Variants in MARCHF1 observed in about 807,000 individuals in gnomAD.
The protein encoded by MARCHF1 is membrane associated ring-CH-type finger 1, also known as E3 ubiquitin-protein ligase MARCHF1.
MARCHF1 carries 40 observed loss-of-function variants against 54.2 expected under a neutral mutation model. That is an observed-to-expected ratio of 0.74 (90% CI 0.57 to 0.96). The LOEUF (loss-of-function observed/expected upper bound fraction) is 0.96, where lower values mean the gene tolerates loss of function less well. Ranked by LOEUF, MARCHF1 falls within the 40% of genes least tolerant of loss-of-function variation. The pLI is 0.00. For missense variants in MARCHF1, 586 were observed against 656.5 expected, an observed-to-expected ratio of 0.89 and a Z score of 1.17; for synonymous variants, 236 against 236.3, an observed-to-expected ratio of 1.00 and a Z score of 0.01.
intron 4 of MARCHF1, among the ~76,000 whole-genome samples, chr4:163,748,269 A>T (rs2110766022): frequency 6.6e-6 from 1 of 152,274 alleles, no homozygotes; most frequent in Non-Finnish European, 1.5e-5. Flanking sequence ...CACTCTGTTC[A>T]ATCCCCCACA....
intron 9 of MARCHF1, among the ~76,000 whole-genome samples, chr4:163,534,532 G>A (rs577866640): frequency 2.0e-4 from 30 of 152,114 alleles, no homozygotes; most frequent in African/African-American, 7.2e-4. Flanking sequence ...ATTAATTAGT[G>A]TATCATGGAG....
chr4:164,207,928 T>G (rs559842081), intron 1 of MARCHF1, among the ~76,000 whole-genome samples: 35 of 152,114 alleles, frequency 2.3e-4, no homozygotes, highest in African/African-American at 8.2e-4. Flanking sequence ...TGGCACAAGT[T>G]TACCTATGTA....
chr4:164,179,024 C>T (rs145015423), intron 1 of MARCHF1, among the ~76,000 whole-genome samples: 18 of 152,026 alleles, frequency 1.2e-4, no homozygotes, highest in African/African-American at 3.4e-4. Context: ...CCATGTGGCA[C>T]GCAGACTCTC....
chr4:163,962,896 T>C (rs1307875492), intron 3 of MARCHF1, among the ~76,000 whole-genome samples: 2 of 151,900 alleles, frequency 1.3e-5, no homozygotes, highest in Non-Finnish European at 2.9e-5. Context: ...TATAAGGACA[T>C]GACATCTGGC....
chr4:163,539,718 A>G (rs1418550454), intron 9 of MARCHF1, among the ~76,000 whole-genome samples: 2 of 152,212 alleles, frequency 1.3e-5, no homozygotes, highest in East Asian at 1.9e-4. Context: ...TGCAGTTACA[A>G]TTCCCTTCGT....
intron 5 of MARCHF1, among the ~76,000 whole-genome samples, chr4:163,698,999 T>G (rs111293281): frequency 6.6e-6 from 1 of 152,174 alleles, no homozygotes; most frequent in Non-Finnish European, 1.5e-5. Flanking sequence ...CCTTATGTCA[T>G]AAAAGAGGCA....
intron 2 of MARCHF1, among the ~76,000 whole-genome samples, chr4:164,088,930 G>A (rs1008326119): frequency 1.3e-5 from 2 of 152,208 alleles, no homozygotes; most frequent in African/African-American, 4.8e-5. Context: ...AAACCGGTTT[G>A]ACTTACAAAC....
chr4:163,576,641 G>GC (rs1740047414), intron 8 of MARCHF1, among the ~76,000 whole-genome samples: 1 of 151,984 alleles, frequency 6.6e-6, no homozygotes, highest in African/African-American at 2.4e-5. Flanking sequence ...GTGGGGTGTT[G>GC]CCCACTGACA....
chr4:163,927,684 C>A (rs576576812), intron 3 of MARCHF1, among the ~76,000 whole-genome samples: 1 of 151,720 alleles, frequency 6.6e-6, no homozygotes, highest in African/African-American at 2.4e-5. Context: ...AAAACAAATG[C>A]TACAGAAACT....
intron 4 of MARCHF1, among the ~76,000 whole-genome samples, chr4:163,826,889 AAAT>A (rs1481984296): frequency 6.6e-6 from 1 of 152,054 alleles, no homozygotes; most frequent in African/African-American, 2.4e-5. Flanking sequence ...CACAACAGAG[AAAT>A]AATATTAGCA....
At chr4:163,989,389 C>T (rs1017393487) in intron 2 of MARCHF1, among the ~76,000 whole-genome samples, 5 of 152,054 alleles carry the variant, frequency 3.3e-5, no homozygotes, top group Non-Finnish European at 7.4e-5. Context: ...ATTCAGTGCA[C>T]CTTTCTTACT....
At chr4:164,365,330 G>C (rs1054883281) in intron 1 of MARCHF1, among the ~76,000 whole-genome samples, 1 of 151,936 alleles carries the variant, frequency 6.6e-6, no homozygotes, top group African/African-American at 2.4e-5. Context: ...ACTTCCATTC[G>C]ACTGTTTTAA....
intron 2 of MARCHF1, among the ~76,000 whole-genome samples, chr4:164,003,681 G>T (rs1324760646): frequency 6.6e-6 from 1 of 152,094 alleles, no homozygotes; most frequent in Non-Finnish European, 1.5e-5. Flanking sequence ...CTTTTACACT[G>T]CTAGTAGGAA....
At chr4:164,341,150 G>C (rs1729916193) in intron 1 of MARCHF1, among the ~76,000 whole-genome samples, 1 of 151,996 alleles carries the variant, frequency 6.6e-6, no homozygotes, top group South Asian at 2.1e-4. Context: ...AAAAGATGCA[G>C]AGAAAGTATT....
intron 2 of MARCHF1, among the ~76,000 whole-genome samples, chr4:164,061,557 G>A (rs1001289828): frequency 2.1e-5 from 3 of 145,252 alleles, no homozygotes; most frequent in African/African-American, 7.6e-5. Context: ...GGGAGGGATA[G>A]CATTAGGAGA....
chr4:163,949,244 G>A (rs1168088426), intron 3 of MARCHF1, among the ~76,000 whole-genome samples: 6 of 152,348 alleles, frequency 3.9e-5, no homozygotes, highest in Non-Finnish European at 1.5e-5. Flanking sequence ...CCAAGTGCCT[G>A]CACAGGTGCC....
chr4:163,915,734 T>C (rs190352259), intron 3 of MARCHF1, among the ~76,000 whole-genome samples: 1 of 152,256 alleles, frequency 6.6e-6, no homozygotes, highest in Admixed American at 6.6e-5. Context: ...AGAGTCTAAT[T>C]ATAAAGAATG....
chr4:163,627,958 A>C (rs955445293), intron 5 of MARCHF1, among the ~76,000 whole-genome samples: 3 of 152,160 alleles, frequency 2.0e-5, no homozygotes, highest in African/African-American at 7.2e-5. Flanking sequence ...AACTAAACAC[A>C]AAAGCTAAAA....
At chr4:163,559,349 T>TG (rs1341873955) in intron 8 of MARCHF1, among the ~76,000 whole-genome samples, 1 of 152,228 alleles carries the variant, frequency 6.6e-6, no homozygotes, top group Non-Finnish European at 1.5e-5. Context: ...TTCATTTCTT[T>TG]GGGGCACTAG....
Sources: allele counts gnomAD v4.1 joint callset (sites outside exome capture counted in the v4.1 genomes callset), GRCh38; gene constraint gnomAD v4.1.1; transcripts MANE v1.5; gene names NCBI Gene and HGNC (gene_info 2026-07-23, HGNC 2026-07-21).